The following ADGRB3 variants were observed in gnomAD, a reference collection of about 807,000 sequenced individuals.
ADGRB3 encodes the protein brain-specific angiogenesis inhibitor 3.
A neutral mutation model predicts 193.4 loss-of-function variants in ADGRB3; 37 were observed. The ratio of observed to expected loss-of-function variants is 0.19; its 90% CI spans 0.15 to 0.25. ADGRB3 has a LOEUF of 0.25. Among genes scored for constraint, ADGRB3 ranks in the 10% least tolerant of loss-of-function variants. ADGRB3 has a pLI of 1.00. For synonymous variants in ADGRB3, 690 were observed against 644.2 expected (o/e 1.07, Z -1.08); for missense variants, 1,637 against 1,852.9 (o/e 0.88, Z 2.14).
chr6:69,269,292 A>G (rs1195882310), intron 20 of ADGRB3, among the ~76,000 whole-genome samples: 3 of 152,186 alleles, frequency 2.0e-5, no homozygotes, highest in Admixed American at 6.5e-5. Flanking sequence ...CTGAATAAAG[A>G]CTTCATTGAA....
intron 3 of ADGRB3, among the ~76,000 whole-genome samples, chr6:68,692,276 C>T (rs1765088707): frequency 6.6e-6 from 1 of 151,850 alleles, no homozygotes; most frequent in Non-Finnish European, 1.5e-5. Context: ...ATGCTGTTTA[C>T]ATATGGAATA....
chr6:69,260,275 C>T (rs1298329198), intron 20 of ADGRB3, among the ~76,000 whole-genome samples: 2 of 152,018 alleles, frequency 1.3e-5, no homozygotes, highest in Non-Finnish European at 2.9e-5. Flanking sequence ...CATGGTAAAC[C>T]TATATACTTT....
intron 17 of ADGRB3, chr6:69,232,558 AG>A: frequency 6.5e-7 from 1 of 1,535,692 alleles, no homozygotes; most frequent in Non-Finnish European, 8.7e-7. Context: ...GCAAAGAAGC[AG>A]TTGAGGGAAA....
intron 3 of ADGRB3, among the ~76,000 whole-genome samples, chr6:68,882,646 C>A (rs1445091655): frequency 6.6e-6 from 1 of 152,088 alleles, no homozygotes; most frequent in Non-Finnish European, 1.5e-5. Flanking sequence ...GGCTCCTAGA[C>A]TCCTCCCTTA....
At chr6:69,274,135 T>C (rs902914907) in intron 20 of ADGRB3, among the ~76,000 whole-genome samples, 80 of 152,160 alleles carry the variant, frequency 5.3e-4, no homozygotes, top group Non-Finnish European at 8.8e-5. Context: ...GATGAAAAGA[T>C]TACCTATACA....
chr6:68,933,588 G>A (rs769301076), intron 4 of ADGRB3, among the ~76,000 whole-genome samples: 30 of 152,074 alleles, frequency 2.0e-4, no homozygotes, highest in African/African-American at 6.0e-4. Context: ...GTGAGACTTC[G>A]TCTCAATAAG....
At chr6:69,053,214 A>G (rs1306047767) in intron 15 of ADGRB3, among the ~76,000 whole-genome samples, 1 of 152,080 alleles carries the variant, frequency 6.6e-6, no homozygotes, top group Non-Finnish European at 1.5e-5. Context: ...ATAGGATATT[A>G]ATGCTGTAAG....
intron 15 of ADGRB3, among the ~76,000 whole-genome samples, chr6:69,055,574 T>A (rs1253101592): frequency 6.6e-6 from 1 of 152,220 alleles, no homozygotes; most frequent in African/African-American, 2.4e-5. Flanking sequence ...CTCTTGGCAA[T>A]TGTCAATTAC....
At chr6:69,067,361 A>G (rs1339083358) in intron 16 of ADGRB3, among the ~76,000 whole-genome samples, 1 of 152,184 alleles carries the variant, frequency 6.6e-6, no homozygotes, top group Non-Finnish European at 1.5e-5. Flanking sequence ...TTTTATGTGT[A>G]TAAACCAATT....
intron 3 of ADGRB3, among the ~76,000 whole-genome samples, chr6:68,848,112 A>C (rs925216043): frequency 1.3e-5 from 2 of 152,060 alleles, no homozygotes; most frequent in African/African-American, 4.8e-5. Flanking sequence ...ATAAAAATAA[A>C]AACAGTTTAT....
intron 3 of ADGRB3, among the ~76,000 whole-genome samples, chr6:68,774,370 ATTTTT>A (rs77553495): frequency 7.7e-6 from 1 of 130,374 alleles, no homozygotes. Context: ...CACTATGCCT[ATTTTT>A]TTTTTTTTTT....
chr6:69,245,077 A>G (rs537325885), intron 20 of ADGRB3, among the ~76,000 whole-genome samples: 1 of 152,184 alleles, frequency 6.6e-6, no homozygotes, highest in African/African-American at 2.4e-5. Flanking sequence ...ACTCAATTAC[A>G]TAAGCTAGAA....
chr6:69,146,088 A>G (rs1005916519), intron 17 of ADGRB3, among the ~76,000 whole-genome samples: 1 of 152,038 alleles, frequency 6.6e-6, no homozygotes, highest in Non-Finnish European at 1.5e-5. Flanking sequence ...CCAAAAGCCT[A>G]CTTGCCTCGT....
chr6:69,314,921 C>T (rs1354802603), intron 20 of ADGRB3, among the ~76,000 whole-genome samples: 1 of 151,464 alleles, frequency 6.6e-6, no homozygotes, highest in Non-Finnish European at 1.5e-5. Flanking sequence ...AGTTGAGGTG[C>T]TTTATCCAGG....
chr6:68,898,637 A>G (rs1322581485), intron 3 of ADGRB3, among the ~76,000 whole-genome samples: 3 of 152,122 alleles, frequency 2.0e-5, no homozygotes, highest in Admixed American at 1.3e-4. Context: ...AATTTCTTCC[A>G]AAGAGTACAG....
intron 17 of ADGRB3, among the ~76,000 whole-genome samples, chr6:69,152,759 T>C (rs565167725): frequency 9.4e-4 from 143 of 152,356 alleles, no homozygotes; most frequent in Middle Eastern, 3.4e-3. Context: ...ATTAATTTTA[T>C]ATACTACTTT....
intron 3 of ADGRB3, among the ~76,000 whole-genome samples, chr6:68,738,049 CT>C (rs1326975932): frequency 1.3e-5 from 2 of 152,084 alleles, no homozygotes; most frequent in African/African-American, 4.8e-5. Flanking sequence ...CAAGAAAGAC[CT>C]TACTAAGAAG....
chr6:69,318,875 A>G (rs932246404), intron 20 of ADGRB3, among the ~76,000 whole-genome samples: 2 of 146,266 alleles, frequency 1.4e-5, no homozygotes, highest in African/African-American at 5.1e-5. Context: ...ATATATATAT[A>G]TGTATGTATA....
At chr6:68,950,546 A>T (rs182780197) in intron 6 of ADGRB3, among the ~76,000 whole-genome samples, 9 of 152,200 alleles carry the variant, frequency 5.9e-5, no homozygotes. Context: ...AACCTCAAAA[A>T]GATAGAAATT....
Sources: gnomAD v4.1 joint callset for allele counts (sites outside exome capture counted in the v4.1 genomes callset) on GRCh38, gnomAD v4.1.1 for gene constraint, MANE v1.5 for transcripts, NCBI Gene and HGNC (gene_info 2026-07-23, HGNC 2026-07-21) for gene names.